The following VPS50 variants were observed in gnomAD, a reference collection of about 807,000 sequenced individuals.
VPS50 encodes VPS50 subunit of EARP/GARPII complex, also known as syndetin.
A neutral mutation model predicts 139.7 loss-of-function variants in VPS50; 70 were observed. The observed-to-expected ratio is 0.50, with a 90% CI of 0.41 to 0.61. The LOEUF (loss-of-function observed/expected upper bound fraction) is 0.61. Among genes scored for constraint, VPS50 ranks in the 20% least tolerant of loss-of-function variants. The probability of loss-of-function intolerance (pLI) is 0.00; values close to 1 mark genes in which losing one functional copy is unlikely to be tolerated. For missense variants in VPS50, 921 were observed against 1,133.7 expected (o/e 0.81, Z 2.69); for synonymous variants, 365 against 376.7 (o/e 0.97, Z 0.36).
Position 93,355,899 on chromosome 7 carries a change from A to G in VPS50, c.2594A>G (p.Asn865Ser), listed in dbSNP as rs61741161. The G allele has an allele frequency of 1.3e-3, 2,061 of 1,563,688 alleles. 19 individuals carry two copies. The African/African-American group carries it at 0.022, about 17-fold the overall frequency. ...ATTGTTTTGCATCTTAGATATGCCA[A>G]TGTCAAGAAATGCAGTAATGAGGGT... is the stretch of plus-strand genomic sequence containing the variant. The part of the protein sequence containing the change: ...ANRTIVEGYA[N>S]VKKCSNEGRA... The change falls in exon 27 of 28, where the codon AAT becomes AGT. Residue 865 changes from asparagine to serine, a missense_variant. Coordinates refer to ENST00000305866, the MANE Select transcript of VPS50 (RefSeq NM_017667.4).
rs371851484 is a variant in VPS50 at position 93,323,041 on chromosome 7, G to T, written c.1856-570G>T. Among the ~76,000 whole-genome samples the T allele has an allele frequency of 2.0e-5, 3 of 152,322 alleles. No individual in the cohort carries two copies. The East Asian group carries it at 5.8e-4, about 29-fold the overall frequency. On this transcript the variant is annotated intron_variant, in intron 20 of 27. Coordinates refer to ENST00000305866, the MANE Select transcript of VPS50 (RefSeq NM_017667.4). ...AGCTCTTGAATGATACAGTGATAAA[G>T]AAATGTTCTTGGCCTCTGACCCAAG...
intron 12 of VPS50, among the ~76,000 whole-genome samples, chr7:93,280,675 T>C (rs1374029211): frequency 6.6e-6 from 1 of 152,126 alleles, no homozygotes; most frequent in East Asian, 1.9e-4. Context: ...AACATTACTT[T>C]GGCAGGCTGA....
At chr7:93,237,409 T>C (rs1436963861) in intron 1 of VPS50, among the ~76,000 whole-genome samples, 3 of 152,174 alleles carry the variant, frequency 2.0e-5, no homozygotes, top group African/African-American at 7.2e-5. Flanking sequence ...CTCTACATCC[T>C]CCTAACATGT....
intron 25 of VPS50, among the ~76,000 whole-genome samples, chr7:93,350,591 A>G (rs1321286296): frequency 6.6e-6 from 1 of 152,168 alleles, no homozygotes; most frequent in Non-Finnish European, 1.5e-5. Context: ...CTGTGAATTC[A>G]GGAACTTATG....
chr7:93,281,310 T>C (rs1796320319), intron 12 of VPS50, among the ~76,000 whole-genome samples: 1 of 152,242 alleles, frequency 6.6e-6, no homozygotes, highest in Non-Finnish European at 1.5e-5. Flanking sequence ...ATATCTTTAG[T>C]AAAGTCCCTG....
At chr7:93,323,466 A>G (rs963503054) in intron 20 of VPS50, 145 bp from the exon 21 acceptor site, 1 of 258,952 alleles carries the variant, frequency 3.9e-6, no homozygotes, top group Non-Finnish European at 7.0e-6. Flanking sequence ...ACTACTGAGT[A>G]CTTGAGACAT....
intron 23 of VPS50, 105 bp downstream of exon 23, chr7:93,341,680 C>T: frequency 3.1e-6 from 2 of 636,340 alleles, no homozygotes; most frequent in Non-Finnish European, 5.3e-6. Context: ...TCTACCACTT[C>T]TAAATATCAC....
chr7:93,348,935 T>C (rs1584495505), intron 24 of VPS50, 128 bp downstream of exon 24: 3 of 626,506 alleles, frequency 4.8e-6, no homozygotes, highest in Non-Finnish European at 2.8e-6. Context: ...AGATAAAATA[T>C]TCATTTATTC....
intron 9 of VPS50, among the ~76,000 whole-genome samples, chr7:93,269,457 C>T (rs1795940508): frequency 6.6e-6 from 1 of 152,056 alleles, no homozygotes; most frequent in Non-Finnish European, 1.5e-5. Context: ...AGAATATACT[C>T]TCCAGTCCTC....
chr7:93,258,417 T>A, intron 8 of VPS50, 25 bp downstream of exon 8: 1 of 1,587,934 alleles, frequency 6.3e-7, no homozygotes, highest in South Asian at 1.1e-5. Flanking sequence ...TTTGGAAATT[T>A]AGGGTCCTAC....
intron 20 of VPS50, among the ~76,000 whole-genome samples, chr7:93,313,302 C>T (rs1348361518): frequency 1.3e-5 from 2 of 152,146 alleles, no homozygotes; most frequent in Admixed American, 1.3e-4. Flanking sequence ...GTATATTGCT[C>T]TTACAGGGAA....
In VPS50 at chr7:93,321,978, T is replaced by G. The variant is rs575282728; in HGVS notation, c.1856-1633T>G. On this transcript the variant is annotated intron_variant, in intron 20 of 27. Coordinates refer to ENST00000305866, the MANE Select transcript of VPS50 (RefSeq NM_017667.4). ...ATACCTGCATAATGATCCAGAGTGTTTTAGGAGCAGTATATTTCAATTATT... is the reference window on the plus strand; with the variant it reads ...ATACCTGCATAATGATCCAGAGTGTGTTAGGAGCAGTATATTTCAATTATT... Among the ~76,000 whole-genome samples, 3 of 152,312 alleles carry G rather than the reference T, an allele frequency of 2.0e-5. No individual in the cohort carries two copies. In the East Asian group the frequency reaches 5.8e-4, roughly 29 times the overall value.
At chr7:93,350,911 C>T (rs1473354824) in intron 25 of VPS50, among the ~76,000 whole-genome samples, 1 of 152,120 alleles carries the variant, frequency 6.6e-6, no homozygotes, top group Non-Finnish European at 1.5e-5. Flanking sequence ...AGAAAATTGT[C>T]CCTTCTTAAC....
intron 23 of VPS50, among the ~76,000 whole-genome samples, chr7:93,342,900 C>A (rs1427415015): frequency 1.3e-5 from 2 of 152,122 alleles, no homozygotes; most frequent in Non-Finnish European, 2.9e-5. Context: ...GAGCAGAAAA[C>A]CTGGAAACTC....
At chr7:93,329,949 TCAGAAAA>T (rs1797886720) in intron 21 of VPS50, among the ~76,000 whole-genome samples, 1 of 152,132 alleles carries the variant, frequency 6.6e-6, no homozygotes, top group South Asian at 2.1e-4. Flanking sequence ...ACCTAGATCC[TCAGAAAA>T]GAGTAAAGAG....
At chr7:93,268,079 G>C (rs1007458737) in intron 9 of VPS50, among the ~76,000 whole-genome samples, 1 of 152,190 alleles carries the variant, frequency 6.6e-6, no homozygotes, top group African/African-American at 2.4e-5. Flanking sequence ...TAAGACCATA[G>C]GAAATGGTAG....
At chr7:93,314,224 T>G (rs1797355796) in intron 20 of VPS50, among the ~76,000 whole-genome samples, 1 of 152,198 alleles carries the variant, frequency 6.6e-6, no homozygotes, top group Non-Finnish European at 1.5e-5. Flanking sequence ...CTTGAGAAGA[T>G]GAAGGAACTA....
At position 93,358,483 on chromosome 7, in the gene VPS50, A is replaced by T. The variant is rs775649019; in HGVS notation, c.*47A>T. The T allele has an allele frequency of 6.4e-7, 1 of 1,553,926 alleles. No homozygotes were observed. Among genetic ancestry groups the T allele is most frequent in the Non-Finnish European group, 8.8e-7 (1 of 1,138,836 alleles). On this transcript the variant is annotated 3_prime_UTR_variant, in exon 28 of 28. Transcript: ENST00000305866. Reference sequence around the variant, plus strand: ...AATGGCATTGATCCTCACTCAACATATATGACCTGAAAGCCAGTTTTTTTA... The same window carrying T: ...AATGGCATTGATCCTCACTCAACATTTATGACCTGAAAGCCAGTTTTTTTA...
At chr7:93,257,869 A>T (rs1230545546) in intron 6 of VPS50, 1 of 265,650 alleles carries the variant, frequency 3.8e-6, no homozygotes, top group African/African-American at 2.2e-5. Flanking sequence ...AGTCACAAAG[A>T]ATAATTATTC....
Sources: allele counts gnomAD v4.1 joint callset (sites outside exome capture counted in the v4.1 genomes callset), GRCh38; gene constraint gnomAD v4.1.1; transcripts MANE v1.5; gene names NCBI Gene and HGNC (gene_info 2026-07-23, HGNC 2026-07-21).